The following SPECC1 variants were observed in gnomAD, a reference collection of about 807,000 sequenced individuals.
SPECC1 encodes sperm antigen with calponin homology and coiled-coil domains 1.
In SPECC1, 62 loss-of-function variants were observed where a neutral mutation model predicts 104.1. That is an observed-to-expected ratio of 0.60 (90% CI 0.49 to 0.74). SPECC1 has a LOEUF of 0.74. SPECC1 is among the 30% of genes least tolerant of loss of function. SPECC1 has a pLI of 0.00. For missense variants in SPECC1, 1,306 were observed against 1,310.5 expected (o/e 1.00, Z 0.05); for synonymous variants, 513 against 501.6 (o/e 1.02, Z -0.30).
intron 3 of SPECC1, among the ~76,000 whole-genome samples, chr17:20,144,168 T>C (rs2031178732): frequency 1.6e-5 from 2 of 125,298 alleles, no homozygotes; most frequent in African/African-American, 2.7e-5. Flanking sequence ...TACTGTTTTT[T>C]TCTTTTCTTT....
Position 20,205,060 on chromosome 17 carries a change from G to A in SPECC1, c.1011G>A (p.Glu337=). 1 of 1,614,152 alleles carries A rather than the reference G, an allele frequency of 6.2e-7. No individual in the cohort carries two copies. The highest frequency in any genetic ancestry group is 2.2e-5 in the East Asian group (1 of 44,890). The part of the protein sequence containing the change: ...DASDFEHITA[E]TPSRPLSSTS... The stretch of plus-strand genomic sequence containing the variant: ...CCGACTTTGAGCACATTACAGCAGA[G>A]ACACCCTCAAGGCCCCTGTCCTCCA... Residue 337 remains glutamate, a synonymous_variant, in exon 4 of 15, where the codon GAG becomes GAA. Coordinates refer to ENST00000395527, the MANE Select transcript of SPECC1 (RefSeq NM_001243439.2).
intron 2 of SPECC1, among the ~76,000 whole-genome samples, chr17:20,097,184 C>T (rs916992315): frequency 1.3e-5 from 2 of 152,284 alleles, no homozygotes; most frequent in East Asian, 1.9e-4. Context: ...GCAGCATGGA[C>T]GCTGTTGATT....
chr17:20,141,127 A>C (rs1194730236), intron 3 of SPECC1, among the ~76,000 whole-genome samples: 1 of 152,094 alleles, frequency 6.6e-6, no homozygotes, highest in Non-Finnish European at 1.5e-5. Context: ...CCTGGAAAGG[A>C]CCCGCTCATA....
chr17:20,268,480 A>G (rs1436959059), intron 12 of SPECC1, among the ~76,000 whole-genome samples: 1 of 152,124 alleles, frequency 6.6e-6, no homozygotes, highest in Non-Finnish European at 1.5e-5. Flanking sequence ...TGTTTCTTAT[A>G]TTCTTTTTTG....
chr17:20,117,350 A>G (rs1400717850), intron 3 of SPECC1, among the ~76,000 whole-genome samples: 2 of 152,234 alleles, frequency 1.3e-5, no homozygotes, highest in African/African-American at 4.8e-5. Flanking sequence ...CTTTCTAAGT[A>G]GGAACAGACA....
rs2039708400 is a variant in SPECC1, at chr17:20,253,500, T to C, written c.2599-5T>C. 1 of 1,613,910 alleles carries C rather than the reference T, an allele frequency of 6.2e-7. No homozygotes were observed. Among genetic ancestry groups the C allele is most frequent in the Non-Finnish European group, 8.5e-7 (1 of 1,180,028 alleles). On this transcript the variant is annotated splice_region_variant and splice_polypyrimidine_tract_variant and intron_variant, in intron 9 of 14. Coordinates refer to ENST00000395527, the MANE Select transcript of SPECC1 (RefSeq NM_001243439.2). ...ACCGTGCTGGTGTCCCCCTGGTTTT[T>C]ACAGAGGCATTCGACTTACAGCAGT...
In SPECC1 at chr17:20,243,750, A is replaced by G. The variant is rs567066489; in HGVS notation, c.2352-2176A>G. Among the ~76,000 whole-genome samples, 158 of 152,356 alleles carry G rather than the reference A, an allele frequency of 1.0e-3. 2 individuals carry two copies. The highest frequency in any genetic ancestry group is 3.7e-3 in the African/African-American group (153 of 41,594). ...TCTTGTGGCCTTGCTTTTTAAATTT[A>G]TCATTTGATATTTTGAATTGCAGAT... On this transcript the variant is annotated intron_variant, in intron 7 of 14. Transcript: ENST00000395527.
In SPECC1 at chr17:20,114,911, G is replaced by A. The variant is rs1460033880; in HGVS notation, c.283+4349G>A. 3.3e-5 allele frequency among the ~76,000 whole-genome samples: 5 copies of A among 152,248 alleles called. No individual in the cohort carries two copies. The East Asian group carries it at 9.6e-4, about 29-fold the overall frequency. The stretch of plus-strand genomic sequence containing the variant: ...AAGACAGAGAAGTATTGTATTGAGA[G>A]ATTATCTATTTTCATAATCAACATT... On this transcript the variant is annotated intron_variant, in intron 3 of 14. Transcript: ENST00000395527.
chr17:20,111,938 G>T (rs1224901363), intron 3 of SPECC1: 2 of 792,546 alleles, frequency 2.5e-6, no homozygotes, highest in Non-Finnish European at 4.6e-6. Flanking sequence ...TGGCATAAAA[G>T]CCACCAGTGT....
At chr17:20,109,337 A>G (rs2048372240) in intron 2 of SPECC1, among the ~76,000 whole-genome samples, 1 of 152,222 alleles carries the variant, frequency 6.6e-6, no homozygotes, top group Admixed American at 6.5e-5. Flanking sequence ...TGTCAGATAC[A>G]TTAGACAGCT....
At chr17:20,107,223 G>GCACA (rs1424272249) in intron 2 of SPECC1, among the ~76,000 whole-genome samples, 2 of 149,702 alleles carry the variant, frequency 1.3e-5, no homozygotes, top group Admixed American at 6.7e-5. Flanking sequence ...AACTGGAGTT[G>GCACA]CACACAAATC....
chr17:20,237,422 C>G, intron 7 of SPECC1: 2 of 384,194 alleles, frequency 5.2e-6, no homozygotes, highest in Non-Finnish European at 7.5e-6. Flanking sequence ...TCAAGTGATT[C>G]TCTTGCCTCA....
chr17:20,132,060 T>C (rs2049673330), intron 3 of SPECC1, among the ~76,000 whole-genome samples: 1 of 146,730 alleles, frequency 6.8e-6, no homozygotes, highest in African/African-American at 2.6e-5. Flanking sequence ...TTTTCTAAGA[T>C]TTTTTTTTTT....
intron 1 of SPECC1, among the ~76,000 whole-genome samples, chr17:20,011,588 G>C (rs781386108): frequency 4.6e-5 from 7 of 151,388 alleles, no homozygotes; most frequent in Non-Finnish European, 1.0e-4. Context: ...TATTAACCAG[G>C]ATTTATTGAT....
Position 20,220,558 on chromosome 17 carries a change from G to GT in SPECC1, c.1864-6835dup, listed in dbSNP as rs34347184. 3.6e-3 allele frequency among the ~76,000 whole-genome samples: 467 copies of GT among 128,038 alleles called. 2 individuals carry two copies. The highest frequency in any genetic ancestry group is 0.02 in the Middle Eastern group (5 of 252). 84.0% of individuals were successfully genotyped at this position (128,038 alleles called of 152,430 possible). On this transcript the variant is annotated intron_variant, in intron 4 of 14. Coordinates refer to ENST00000395527, the MANE Select transcript of SPECC1 (RefSeq NM_001243439.2). Reference sequence around the variant, plus strand: ...TCACTGAATTTATCAGTTCTTAATAGTTTTTTTTTTTTTTTTTTTTGTGGA... The same window carrying GT: ...TCACTGAATTTATCAGTTCTTAATAGTTTTTTTTTTTTTTTTTTTTTGTGGA...
intron 13 of SPECC1, among the ~76,000 whole-genome samples, chr17:20,303,254 C>A (rs1407812091): frequency 6.6e-6 from 1 of 152,218 alleles, no homozygotes; most frequent in Non-Finnish European, 1.5e-5. Flanking sequence ...TAGGAGATTG[C>A]TGCCATTAAT....
chr17:20,251,055 C>T, intron 9 of SPECC1, among the ~76,000 whole-genome samples: 1 of 151,570 alleles, frequency 6.6e-6, no homozygotes, highest in Non-Finnish European at 1.5e-5. Context: ...GGCGAAACCC[C>T]ATCTCTACTA....
chr17:20,201,560 C>G (rs528849990), intron 3 of SPECC1, among the ~76,000 whole-genome samples: 58 of 152,284 alleles, frequency 3.8e-4, no homozygotes, highest in African/African-American at 1.3e-3. Context: ...GTGTGATGAT[C>G]AGTCCTGGAC....
At chr17:20,118,115 TAATAAATA>T (rs143553678) in intron 3 of SPECC1, among the ~76,000 whole-genome samples, 1 of 150,764 alleles carries the variant, frequency 6.6e-6, no homozygotes, top group African/African-American at 2.5e-5. Context: ...AATAAATAAA[TAATAAATA>T]AATAAATAAA....
Sources: allele counts gnomAD v4.1 joint callset (sites outside exome capture counted in the v4.1 genomes callset), GRCh38; gene constraint gnomAD v4.1.1; transcripts MANE v1.5; gene names NCBI Gene and HGNC (gene_info 2026-07-23, HGNC 2026-07-21).